NDEL1: variants seen among roughly 807,000 people sequenced by gnomAD.
NDEL1 encodes the protein nudE neurodevelopment protein 1 like 1, also known as nuclear distribution protein nudE-like 1.
NDEL1 carries 9 observed loss-of-function variants against 45.7 expected under a neutral mutation model. That is an observed-to-expected ratio of 0.20 (90% CI 0.12 to 0.34). The LOEUF is 0.34. Ranked by LOEUF, NDEL1 falls within the 10% of genes least tolerant of loss-of-function variation. NDEL1 has a pLI of 1.00. For synonymous variants in NDEL1, 133 were observed against 158.6 expected (o/e 0.84, Z 1.21); for missense variants, 306 against 406.2 (o/e 0.75, Z 2.12).
At chr17:8,460,451 C>G (rs1327885833) in intron 8 of NDEL1, among the ~76,000 whole-genome samples, 3 of 152,136 alleles carry the variant, frequency 2.0e-5, no homozygotes, top group African/African-American at 7.2e-5. Context: ...CCCTGTTCTC[C>G]AGGTGCTTAC....
chr17:8,438,009 A>G (rs1401997587), intron 1 of NDEL1, among the ~76,000 whole-genome samples: 1 of 152,098 alleles, frequency 6.6e-6, no homozygotes, highest in Non-Finnish European at 1.5e-5. Flanking sequence ...CCCAGGCTGG[A>G]GTGCAGTGGC....
At chr17:8,446,962 C>A in intron 4 of NDEL1, 60 bp downstream of exon 4, 1 of 1,543,998 alleles carries the variant, frequency 6.5e-7, no homozygotes, top group South Asian at 1.2e-5. Flanking sequence ...TGATTAAAAT[C>A]TTTATTAGGC....
At chr17:8,455,682 C>G (rs1910789634) in intron 7 of NDEL1, among the ~76,000 whole-genome samples, 1 of 73,760 alleles carries the variant, frequency 1.4e-5, no homozygotes, top group Admixed American at 1.4e-4. Context: ...CAGCAAGACT[C>G]CATCTCAAAA....
intron 1 of NDEL1, among the ~76,000 whole-genome samples, chr17:8,438,387 T>G (rs1386092326): frequency 2.0e-5 from 3 of 152,248 alleles, no homozygotes; most frequent in Non-Finnish European, 4.4e-5. Flanking sequence ...GTTACATAGT[T>G]TGAAATAAGT....
At chr17:8,436,664 A>G (rs893283825) in intron 1 of NDEL1, 6 of 152,278 alleles carry the variant, frequency 3.9e-5, no homozygotes, top group African/African-American at 1.4e-4. Context: ...GCTGTAAGCC[A>G]TGAGATGACC....
chr17:8,446,065 T>C (rs1451126766), intron 3 of NDEL1: 1 of 401,492 alleles, frequency 2.5e-6, no homozygotes, highest in Non-Finnish European at 4.3e-6. Context: ...TTAGAAACTT[T>C]GTAGTTGTCA....
intron 1 of NDEL1, among the ~76,000 whole-genome samples, chr17:8,419,852 C>T (rs1284447184): frequency 1.3e-5 from 2 of 152,154 alleles, no homozygotes; most frequent in Non-Finnish European, 2.9e-5. Flanking sequence ...GATACCTCCA[C>T]AGCTTTGCAT....
intron 5 of NDEL1, among the ~76,000 whole-genome samples, 158 bp downstream of exon 5, chr17:8,448,844 A>G (rs537743975): frequency 1.3e-5 from 2 of 152,336 alleles, no homozygotes; most frequent in South Asian, 4.1e-4. Context: ...CTGACTTTTC[A>G]TATATACGGG....
At chr17:8,422,096 G>A (rs1273256470) in intron 1 of NDEL1, among the ~76,000 whole-genome samples, 1 of 152,216 alleles carries the variant, frequency 6.6e-6, no homozygotes, top group African/African-American at 2.4e-5. Flanking sequence ...CCTGAGAAAA[G>A]GTGGTGCCTG....
chr17:8,463,547 CAAG>C (rs1437221229), intron 8 of NDEL1, among the ~76,000 whole-genome samples: 1 of 152,204 alleles, frequency 6.6e-6, no homozygotes, highest in African/African-American at 2.4e-5. Flanking sequence ...CTGTGAGAAA[CAAG>C]AACAAATTAG....
At chr17:8,451,454 G>A (rs1910499891) in intron 6 of NDEL1, among the ~76,000 whole-genome samples, 1 of 152,034 alleles carries the variant, frequency 6.6e-6, no homozygotes, top group Admixed American at 6.6e-5. Flanking sequence ...GAGACCTGAG[G>A]CCTTTCTACA....
chr17:8,416,683 A>T (rs756029229), intron 1 of NDEL1, among the ~76,000 whole-genome samples: 3 of 152,128 alleles, frequency 2.0e-5, no homozygotes, highest in African/African-American at 4.8e-5. Context: ...GACCCTTTCA[A>T]TCTGGGTGCT....
At position 8,451,647 on chromosome 17, in the gene NDEL1, C is replaced by T. The variant is rs576842747; in HGVS notation, c.700+694C>T. On this transcript the variant is annotated intron_variant, in intron 6 of 8. Coordinates refer to ENST00000334527, the MANE Select transcript of NDEL1 (RefSeq NM_030808.5). ...TGAACCAGTGTGTTTTTTTAAAATCCGGATAAGCAGAAAAACCACCTAGTA... is the reference window on the plus strand; with the variant it reads ...TGAACCAGTGTGTTTTTTTAAAATCTGGATAAGCAGAAAAACCACCTAGTA... Among the ~76,000 whole-genome samples, 342 of 151,944 alleles carry T rather than the reference C, an allele frequency of 2.3e-3. 2 individuals carry two copies. Among genetic ancestry groups the T allele is most frequent in the Non-Finnish European group, 2.5e-3 (170 of 67,972 alleles).
At chr17:8,464,973 G>T (rs1466855078) in intron 8 of NDEL1, 1 of 152,312 alleles carries the variant, frequency 6.6e-6, no homozygotes, top group East Asian at 1.9e-4. Context: ...GTACACCCCC[G>T]TGGCCCAGGT....
intron 1 of NDEL1, among the ~76,000 whole-genome samples, chr17:8,438,374 C>G (rs1014471064): frequency 6.6e-6 from 1 of 152,176 alleles, no homozygotes; most frequent in South Asian, 2.1e-4. Context: ...CTGAATATCT[C>G]CAGTTACATA....
rs1223888623 is a variant in NDEL1 at position 8,444,278 on chromosome 17, G to A, written c.7G>A (p.Gly3Ser). The A allele has an allele frequency of 6.2e-7, 1 of 1,608,804 alleles. No homozygotes were observed. Among genetic ancestry groups the A allele is most frequent in the Non-Finnish European group, 8.5e-7 (1 of 1,175,674 alleles). ...TTCACAGGCTTTCTTGATCATGGAT[G>A]GTGAAGATATACCAGATTTTTCAAG... MDGEDIPDFSSLK... is the reference protein window; with the variant it reads MDSEDIPDFSSLK... The change falls in exon 2 of 9, where the codon GGT (glycine) becomes AGT (serine). Residue 3 changes from glycine to serine, a missense_variant. Coordinates refer to ENST00000334527, the MANE Select transcript of NDEL1 (RefSeq NM_030808.5).
intron 7 of NDEL1, among the ~76,000 whole-genome samples, chr17:8,456,492 C>CA (rs1481838974): frequency 2.4e-4 from 20 of 82,812 alleles, no homozygotes; most frequent in African/African-American, 8.7e-4. Context: ...TAGGTTATAT[C>CA]TTTTTTTTTT....
chr17:8,428,052 A>G (rs1402249819), intron 1 of NDEL1, among the ~76,000 whole-genome samples: 1 of 152,120 alleles, frequency 6.6e-6, no homozygotes, highest in South Asian at 2.1e-4. Context: ...GCCCTGCCAC[A>G]CTATATCCTT....
chr17:8,422,318 T>G (rs979121247), intron 1 of NDEL1, among the ~76,000 whole-genome samples: 3 of 152,196 alleles, frequency 2.0e-5, no homozygotes, highest in Non-Finnish European at 2.9e-5. Context: ...CCACCTTTTT[T>G]TGTTGTTGTT....
Sources: allele counts gnomAD v4.1 joint callset (sites outside exome capture counted in the v4.1 genomes callset), GRCh38; gene constraint gnomAD v4.1.1; transcripts MANE v1.5; gene names NCBI Gene and HGNC (gene_info 2026-07-23, HGNC 2026-07-21).